Variants in NBEA observed in about 807,000 individuals in gnomAD.
NBEA encodes the protein lysosomal-trafficking regulator 2.
A neutral mutation model predicts 343.4 loss-of-function variants in NBEA; 44 were observed. The observed-to-expected ratio is 0.13, with a 90% CI of 0.10 to 0.16. The LOEUF is 0.16. Among genes scored for constraint, NBEA ranks in the 10% least tolerant of loss-of-function variants. The pLI, the probability that NBEA is intolerant of heterozygous loss-of-function variation, is 1.00. For synonymous variants in NBEA, 1,175 were observed against 1,238.7 expected (o/e 0.95, Z 1.08); for missense variants, 2,555 against 3,631.3 (o/e 0.70, Z 7.62).
At chr13:35,176,096 C>T (rs1007936167) in intron 27 of NBEA, among the ~76,000 whole-genome samples, 9 of 151,926 alleles carry the variant, frequency 5.9e-5, no homozygotes, top group African/African-American at 1.2e-4. Context: ...AACTTCTCAC[C>T]GATGGTCATA....
chr13:35,401,614 A>G (rs2043005824), intron 38 of NBEA, among the ~76,000 whole-genome samples: 1 of 152,046 alleles, frequency 6.6e-6, no homozygotes, highest in South Asian at 2.1e-4. Flanking sequence ...GACATCTGTA[A>G]GAGAAAATCT....
chr13:35,260,571 A>T (rs138968413), intron 34 of NBEA, among the ~76,000 whole-genome samples: 1 of 152,334 alleles, frequency 6.6e-6, no homozygotes, highest in Non-Finnish European at 1.5e-5. Context: ...AGTTGAGGAG[A>T]CAGTGATCAG....
intron 45 of NBEA, among the ~76,000 whole-genome samples, chr13:35,570,971 GT>G (rs1427851946): frequency 1.3e-5 from 2 of 152,090 alleles, no homozygotes; most frequent in Non-Finnish European, 2.9e-5. Flanking sequence ...TTAATGGAGA[GT>G]TTCTTACTCT....
intron 51 of NBEA, among the ~76,000 whole-genome samples, chr13:35,648,845 C>A (rs1446988369): frequency 7.1e-6 from 1 of 141,494 alleles, no homozygotes; most frequent in African/African-American, 2.6e-5. Context: ...GAACAACACG[C>A]ACTGGGGCCT....
At chr13:35,207,261 G>A (rs1291690583) in intron 31 of NBEA, among the ~76,000 whole-genome samples, 1 of 151,932 alleles carries the variant, frequency 6.6e-6, no homozygotes, top group African/African-American at 2.4e-5. Context: ...GGAAGTTTAA[G>A]CAACAAACTT....
chr13:35,362,597 A>G (rs1387386668), intron 38 of NBEA, among the ~76,000 whole-genome samples: 1 of 152,026 alleles, frequency 6.6e-6, no homozygotes. Context: ...GAGATCTAAG[A>G]TGACTCACCC....
chr13:35,200,234 T>C (rs1173608629), intron 31 of NBEA, among the ~76,000 whole-genome samples: 3 of 152,094 alleles, frequency 2.0e-5, no homozygotes, highest in East Asian at 1.9e-4. Flanking sequence ...AATGTTTTAA[T>C]TGAGCTATTA....
intron 41 of NBEA, among the ~76,000 whole-genome samples, chr13:35,505,224 C>G (rs2077031792): frequency 6.6e-6 from 1 of 151,972 alleles, no homozygotes; most frequent in South Asian, 2.1e-4. Context: ...TAAAAACTGG[C>G]TTTTTAAAAA....
chr13:35,512,296 T>G (rs1280607749), intron 41 of NBEA, among the ~76,000 whole-genome samples: 1 of 152,210 alleles, frequency 6.6e-6, no homozygotes, highest in Non-Finnish European at 1.5e-5. Flanking sequence ...TTCCTAAATA[T>G]TCTGTATCCT....
At position 35,182,671 on chromosome 13, in the gene NBEA, T is replaced by A. The variant is rs17051908; in HGVS notation, c.4831+143T>A. The A allele has an allele frequency of 6.5e-3, 4,998 of 764,458 alleles. 140 individuals carry two copies. Among genetic ancestry groups the A allele is most frequent in the African/African-American group, 0.054 (2,942 of 54,382 alleles). 47.4% of individuals were successfully genotyped at this position (764,458 alleles called of 1,614,324 possible). On this transcript the variant is annotated intron_variant, in intron 29 of 58. Transcript: ENST00000379939. Reference sequence around the variant, plus strand: ...TGGTATAGAAATGCTAATTTAGTATTCCTTAATTCAACAAAAATGTATGAA... The same window carrying A: ...TGGTATAGAAATGCTAATTTAGTATACCTTAATTCAACAAAAATGTATGAA...
At chr13:35,179,721 T>A in intron 28 of NBEA, 1 of 962,576 alleles carries the variant, frequency 1.0e-6, no homozygotes, top group Non-Finnish European at 1.2e-6. Flanking sequence ...TGGTACTGAG[T>A]TTCTAGTGTT....
rs1422458551 is a variant in NBEA at position 35,196,257 on chromosome 13, G to A, written c.5321G>A (p.Arg1774Lys). 6.2e-7 allele frequency: 1 copy of A among 1,613,390 alleles called. No individual in the cohort carries two copies. The highest frequency in any genetic ancestry group is 1.7e-5 in the Admixed American group (1 of 59,966). ...PIPYPDPALKRETQAILPMQF... is the reference protein window; with the variant it reads ...PIPYPDPALKKETQAILPMQF... Reference sequence around the variant, plus strand: ...CCATACCCAGATCCAGCATTGAAGAGAGAAACACAAGCTATTCTTCCTATG... The same window carrying A: ...CCATACCCAGATCCAGCATTGAAGAAAGAAACACAAGCTATTCTTCCTATG... Residue 1774 changes from arginine (R) to lysine (K), a missense_variant, in exon 31 of 59, where the codon AGA (arginine) becomes AAA (lysine). This residue lies in a region of NBEA where 270 missense variants were observed against 293.3 expected (regional missense o/e 0.92). Coordinates refer to ENST00000379939, the MANE Select transcript of NBEA (RefSeq NM_001385012.1).
chr13:35,446,151 C>CT (rs761458188), intron 39 of NBEA, among the ~76,000 whole-genome samples: 11 of 151,868 alleles, frequency 7.2e-5, no homozygotes, highest in Non-Finnish European at 1.2e-4. Context: ...TGAACTCATC[C>CT]TTTTTTATGG....
intron 17 of NBEA, among the ~76,000 whole-genome samples, chr13:35,141,300 A>C (rs930309517): frequency 1.3e-5 from 2 of 151,872 alleles, no homozygotes; most frequent in African/African-American, 4.8e-5. Context: ...ATGGAGTCTC[A>C]CTCTTGCCCA....
intron 10 of NBEA, among the ~76,000 whole-genome samples, chr13:35,081,471 C>A (rs1044155510): frequency 1.3e-5 from 2 of 150,866 alleles, no homozygotes; most frequent in Non-Finnish European, 2.9e-5. Flanking sequence ...AACTTTTTTT[C>A]ATAGAAACAA....
intron 34 of NBEA, among the ~76,000 whole-genome samples, chr13:35,282,571 C>T (rs1046771397): frequency 6.6e-6 from 1 of 152,048 alleles, no homozygotes; most frequent in Non-Finnish European, 1.5e-5. Context: ...ATTGCAAGAT[C>T]CAAATGATTT....
At chr13:35,138,547 C>G (rs2067876466) in intron 17 of NBEA, among the ~76,000 whole-genome samples, 1 of 151,602 alleles carries the variant, frequency 6.6e-6, no homozygotes, top group Non-Finnish European at 1.5e-5. Context: ...GCAACCTACA[C>G]CTCCCATGTT....
chr13:35,196,901 A>G (rs1246894728), intron 31 of NBEA, among the ~76,000 whole-genome samples: 3 of 152,138 alleles, frequency 2.0e-5, no homozygotes, highest in African/African-American at 4.8e-5. Context: ...CATTTTAGGT[A>G]TCGAAACTAT....
intron 10 of NBEA, among the ~76,000 whole-genome samples, chr13:35,090,485 G>C (rs73167756): frequency 0.016 from 2,416 of 152,006 alleles, 39 homozygotes; most frequent in South Asian, 0.054. Flanking sequence ...TAAAATTAAT[G>C]GGTTGCAATG....
Sources: allele counts gnomAD v4.1 joint callset (sites outside exome capture counted in the v4.1 genomes callset), GRCh38; gene constraint gnomAD v4.1.1; regional missense constraint gnomAD v4.1.1; transcripts MANE v1.5; gene names NCBI Gene and HGNC (gene_info 2026-07-23, HGNC 2026-07-21).